Variants in PPM1L observed in about 807,000 individuals in gnomAD.
The protein encoded by PPM1L is protein phosphatase 1L.
Under a neutral mutation model 31.4 loss-of-function variants are expected in PPM1L, and 13 were observed. The observed-to-expected ratio is 0.41, with a 90% CI of 0.27 to 0.66. PPM1L has a LOEUF of 0.66. PPM1L is among the 30% of genes least tolerant of loss of function. The pLI, the probability that PPM1L is intolerant of heterozygous loss-of-function variation, is 0.29. For missense variants in PPM1L, 326 were observed against 453.7 expected, an observed-to-expected ratio of 0.72 and a Z score of 2.56; for synonymous variants, 184 against 175.4, an observed-to-expected ratio of 1.05 and a Z score of -0.39.
At chr3:160,783,181 C>A (rs986496975) in intron 1 of PPM1L, among the ~76,000 whole-genome samples, 11 of 152,300 alleles carry the variant, frequency 7.2e-5, no homozygotes, top group African/African-American at 2.6e-4. Flanking sequence ...TCCAAAGTCA[C>A]ATCTGTGTCT....
At chr3:160,913,261 A>G (rs948779464) in intron 1 of PPM1L, among the ~76,000 whole-genome samples, 1 of 152,132 alleles carries the variant, frequency 6.6e-6, no homozygotes, top group Non-Finnish European at 1.5e-5. Context: ...AGAATAGGTA[A>G]ATTCTGTATT....
At chr3:160,990,926 A>G (rs1241642207) in intron 2 of PPM1L, among the ~76,000 whole-genome samples, 1 of 152,134 alleles carries the variant, frequency 6.6e-6, no homozygotes, top group Non-Finnish European at 1.5e-5. Context: ...TTTGACAACC[A>G]AAAATGCCCC....
chr3:160,942,580 T>C (rs1715197348), intron 1 of PPM1L, among the ~76,000 whole-genome samples: 1 of 152,236 alleles, frequency 6.6e-6, no homozygotes, highest in African/African-American at 2.4e-5. Flanking sequence ...TATTCATTCA[T>C]TCTCCAAGCA....
chr3:160,841,885 T>A (rs1223360473), intron 1 of PPM1L, among the ~76,000 whole-genome samples: 5 of 152,242 alleles, frequency 3.3e-5, no homozygotes, highest in Non-Finnish European at 7.3e-5. Flanking sequence ...GGCTTATAAA[T>A]GTCAACTTGT....
At chr3:160,864,080 C>A (rs76921052) in intron 1 of PPM1L, among the ~76,000 whole-genome samples, 1 of 152,134 alleles carries the variant, frequency 6.6e-6, no homozygotes, top group Non-Finnish European at 1.5e-5. Flanking sequence ...TGTTACCACT[C>A]CGTATTGAAT....
At chr3:160,823,303 G>T (rs141344783) in intron 1 of PPM1L, among the ~76,000 whole-genome samples, 134 of 151,326 alleles carry the variant, frequency 8.9e-4, no homozygotes, top group African/African-American at 3.2e-3. Flanking sequence ...AAAAATAGTT[G>T]ATATATGATA....
chr3:160,849,998 G>A (rs751141099), intron 1 of PPM1L, among the ~76,000 whole-genome samples: 40 of 152,174 alleles, frequency 2.6e-4, no homozygotes, highest in Middle Eastern at 3.4e-3. Flanking sequence ...ACAATTCAAC[G>A]CAGTTCTGAC....
At chr3:160,903,208 T>TGTGTGTGTATGTGTGTG (rs1553819694) in intron 1 of PPM1L, among the ~76,000 whole-genome samples, 1 of 120,038 alleles carries the variant, frequency 8.3e-6, no homozygotes, top group African/African-American at 3.1e-5. Flanking sequence ...GTGTGTATGT[T>TGTGTGTGTATGTGTGTG]TGTGTGTGTG....
At chr3:161,056,672 TA>T (rs11347558) in intron 2 of PPM1L, among the ~76,000 whole-genome samples, 19,756 of 152,072 alleles carry the variant, frequency 0.13, 1,488 homozygotes, top group South Asian at 0.27. Flanking sequence ...TTAATAGGTA[TA>T]AATTGAAAAG....
chr3:160,959,839 A>G (rs1245478303), intron 1 of PPM1L, among the ~76,000 whole-genome samples: 11 of 152,168 alleles, frequency 7.2e-5, no homozygotes, highest in Non-Finnish European at 4.4e-5. Context: ...GTCTCAAAAA[A>G]ATAAAAATAA....
Position 161,024,589 on chromosome 3 carries a change from T to A in PPM1L, c.575-40814T>A, listed in dbSNP as rs143915673. 3.8e-3 allele frequency among the ~76,000 whole-genome samples: 580 copies of A among 151,868 alleles called. 1 individual carries two copies. Among genetic ancestry groups the A allele is most frequent in the Non-Finnish European group, 5.6e-3 (381 of 67,998 alleles). On this transcript the variant is annotated intron_variant, in intron 2 of 3. Coordinates refer to ENST00000498165, the MANE Select transcript of PPM1L (RefSeq NM_139245.4). ...GGCACATGCCTGTAATCCCAGCTACTCGGGAGGCTGAGGCAGGAGAATCAC... is the reference window on the plus strand; with the variant it reads ...GGCACATGCCTGTAATCCCAGCTACACGGGAGGCTGAGGCAGGAGAATCAC...
At chr3:160,786,438 G>A (rs764153831) in intron 1 of PPM1L, among the ~76,000 whole-genome samples, 4 of 150,476 alleles carry the variant, frequency 2.7e-5, no homozygotes, top group Non-Finnish European at 4.4e-5. Context: ...GGCTGGTCTC[G>A]AACTCCTGAC....
At chr3:160,789,422 CTTA>C (rs1712033874) in intron 1 of PPM1L, among the ~76,000 whole-genome samples, 1 of 151,790 alleles carries the variant, frequency 6.6e-6, no homozygotes, top group African/African-American at 2.4e-5. Context: ...TTGTATCTCT[CTTA>C]TTATTTCTTT....
intron 2 of PPM1L, among the ~76,000 whole-genome samples, chr3:161,016,849 A>G (rs974929421): frequency 6.6e-6 from 1 of 152,226 alleles, no homozygotes; most frequent in Admixed American, 6.5e-5. Context: ...GAGATTAACC[A>G]GTGAATAAGT....
At chr3:160,793,788 G>A (rs545358962) in intron 1 of PPM1L, among the ~76,000 whole-genome samples, 1 of 152,250 alleles carries the variant, frequency 6.6e-6, no homozygotes, top group South Asian at 2.1e-4. Flanking sequence ...GAGAACAATG[G>A]CAGGGTTCCA....
At chr3:160,772,005 A>G (rs1715270126) in intron 1 of PPM1L, among the ~76,000 whole-genome samples, 1 of 152,064 alleles carries the variant, frequency 6.6e-6, no homozygotes, top group Non-Finnish European at 1.5e-5. Flanking sequence ...TGGTACCTTC[A>G]GGCCTGACCT....
At chr3:160,932,379 A>G (rs1714818189) in intron 1 of PPM1L, among the ~76,000 whole-genome samples, 1 of 152,202 alleles carries the variant, frequency 6.6e-6, no homozygotes, top group Non-Finnish European at 1.5e-5. Context: ...GTGCATTAAG[A>G]AACTTTGTTT....
At chr3:160,966,522 C>T (rs1459043632) in intron 2 of PPM1L, among the ~76,000 whole-genome samples, 1 of 152,102 alleles carries the variant, frequency 6.6e-6, no homozygotes, top group Non-Finnish European at 1.5e-5. Context: ...TTAATGGCTA[C>T]ATCATATTCT....
chr3:161,019,021 A>G (rs1341658553), intron 2 of PPM1L, among the ~76,000 whole-genome samples: 1 of 152,206 alleles, frequency 6.6e-6, no homozygotes, highest in African/African-American at 2.4e-5. Flanking sequence ...AATAACTTCT[A>G]TCTATATTCA....
Sources: gnomAD v4.1 joint callset for allele counts (sites outside exome capture counted in the v4.1 genomes callset) on GRCh38, gnomAD v4.1.1 for gene constraint, MANE v1.5 for transcripts, NCBI Gene and HGNC (gene_info 2026-07-23, HGNC 2026-07-21) for gene names.